Variants in MYT1L observed in about 807,000 individuals in gnomAD.
MYT1L encodes the protein myelin transcription factor 1 like.
MYT1L carries 12 observed loss-of-function variants against 126.7 expected under a neutral mutation model. The observed-to-expected ratio is 0.09, with a 90% confidence interval of 0.06 to 0.15. The LOEUF is 0.15. MYT1L is among the 10% of genes least tolerant of loss of function. The probability of loss-of-function intolerance (pLI) is 1.00; values close to 1 mark genes in which losing one functional copy is unlikely to be tolerated. For missense variants in MYT1L, 979 were observed against 1,585.2 expected (o/e 0.62, Z 6.49); for synonymous variants, 541 against 604.2 (o/e 0.90, Z 1.53).
At chr2:2,068,788 T>G (rs1334472944) in intron 3 of MYT1L, among the ~76,000 whole-genome samples, 7 of 143,146 alleles carry the variant, frequency 4.9e-5, no homozygotes, top group African/African-American at 1.3e-4. Flanking sequence ...TTTTTTTTTT[T>G]TTTTTTTTTT....
intron 3 of MYT1L, among the ~76,000 whole-genome samples, chr2:2,071,053 A>T (rs990731404): frequency 2.0e-5 from 3 of 152,142 alleles, no homozygotes; most frequent in African/African-American, 7.2e-5. Context: ...TCTAAAAAAT[A>T]AAAGGGAATG....
chr2:2,126,269 C>A (rs532237210), intron 3 of MYT1L, among the ~76,000 whole-genome samples: 1 of 152,336 alleles, frequency 6.6e-6, no homozygotes, highest in Admixed American at 6.5e-5. Flanking sequence ...GCTCAATAAA[C>A]AATGATCCTC....
intron 14 of MYT1L, among the ~76,000 whole-genome samples, chr2:1,897,608 G>GC (rs1181180062): frequency 1.3e-5 from 2 of 151,930 alleles, no homozygotes; most frequent in Non-Finnish European, 2.9e-5. Context: ...GATTACAGGC[G>GC]CCCACGACCA....
intron 8 of MYT1L, among the ~76,000 whole-genome samples, chr2:1,949,466 G>A (rs2057541958): frequency 6.6e-6 from 1 of 151,650 alleles, no homozygotes; most frequent in South Asian, 2.1e-4. Flanking sequence ...CAGTTCTTTT[G>A]TGGTTAACTC....
chr2:1,893,215 T>G (rs2049148503), intron 14 of MYT1L, among the ~76,000 whole-genome samples: 1 of 152,222 alleles, frequency 6.6e-6, no homozygotes, highest in African/African-American at 2.4e-5. Context: ...ATGACAATGT[T>G]TCAGTCCAGG....
chr2:1,837,510 T>C (rs1381407285), intron 21 of MYT1L, among the ~76,000 whole-genome samples: 2 of 152,194 alleles, frequency 1.3e-5, no homozygotes, highest in Non-Finnish European at 2.9e-5. Context: ...GCTAGCATTC[T>C]TGTTTCCAGG....
At chr2:2,119,036 A>C (rs1405917856) in intron 3 of MYT1L, among the ~76,000 whole-genome samples, 1 of 152,274 alleles carries the variant, frequency 6.6e-6, no homozygotes, top group African/African-American at 2.4e-5. Flanking sequence ...CATGTGGTTA[A>C]GACAAACATT....
chr2:1,907,262 T>C (rs1420500344), intron 13 of MYT1L, among the ~76,000 whole-genome samples: 1 of 152,020 alleles, frequency 6.6e-6, no homozygotes, highest in African/African-American at 2.4e-5. Flanking sequence ...AAAGGGATGT[T>C]TGAAGTAAGT....
intron 18 of MYT1L, among the ~76,000 whole-genome samples, chr2:1,866,091 C>A (rs992191189): frequency 6.6e-6 from 1 of 152,128 alleles, no homozygotes; most frequent in African/African-American, 2.4e-5. Flanking sequence ...AAGTTGCCTG[C>A]GATGGAGCAG....
At chr2:2,101,468 C>T in intron 3 of MYT1L, among the ~76,000 whole-genome samples, 1 of 152,120 alleles carries the variant, frequency 6.6e-6, no homozygotes, top group East Asian at 1.9e-4. Context: ...CACCCACCCA[C>T]CAATCTATCC....
chr2:1,857,372 G>A (rs1186093094), intron 18 of MYT1L, among the ~76,000 whole-genome samples: 1 of 152,154 alleles, frequency 6.6e-6, no homozygotes, highest in Non-Finnish European at 1.5e-5. Flanking sequence ...AATGATCTCT[G>A]AGGCTGCCCT....
chr2:2,234,482 A>T (rs1352445312), intron 2 of MYT1L, among the ~76,000 whole-genome samples: 1 of 152,204 alleles, frequency 6.6e-6, no homozygotes, highest in Non-Finnish European at 1.5e-5. Flanking sequence ...TGGATACATA[A>T]TATATACCTT....
chr2:2,051,029 G>A (rs370824815), intron 4 of MYT1L, among the ~76,000 whole-genome samples: 2 of 152,236 alleles, frequency 1.3e-5, no homozygotes, highest in South Asian at 2.1e-4. Flanking sequence ...GAGGAGGTAT[G>A]CAACTTCTTA....
intron 1 of MYT1L, among the ~76,000 whole-genome samples, chr2:2,302,360 C>T (rs1257878755): frequency 6.6e-6 from 1 of 152,138 alleles, no homozygotes; most frequent in Non-Finnish European, 1.5e-5. Flanking sequence ...TTTAAAAATG[C>T]ACAGAAGTGA....
intron 5 of MYT1L, among the ~76,000 whole-genome samples, chr2:1,983,812 T>G (rs1285171311): frequency 6.6e-6 from 1 of 152,222 alleles, no homozygotes; most frequent in Non-Finnish European, 1.5e-5. Flanking sequence ...AGACATCAGC[T>G]CTGATCTTCC....
chr2:2,236,053 ACAACCCAACCCATTACATCC>A (rs1003920625), intron 2 of MYT1L, among the ~76,000 whole-genome samples: 4 of 151,768 alleles, frequency 2.6e-5, no homozygotes, highest in East Asian at 1.9e-4. Context: ...CCAGTACATC[ACAACCCAACCCATTACATCC>A]CAACCCAACC....
chr2:1,886,417 A>T, intron 18 of MYT1L, 122 bp downstream of exon 18: 1 of 614,182 alleles, frequency 1.6e-6, no homozygotes, highest in South Asian at 3.3e-5. Context: ...ACATCAAGGC[A>T]CTGGGGTGCA....
At chr2:1,879,255 T>G (rs2148777675) in intron 18 of MYT1L, among the ~76,000 whole-genome samples, 1 of 152,324 alleles carries the variant, frequency 6.6e-6, no homozygotes, top group South Asian at 2.1e-4. Context: ...AGCATCTACT[T>G]TATTTCCAAT....
intron 3 of MYT1L, among the ~76,000 whole-genome samples, chr2:2,168,999 T>C (rs2089602310): frequency 6.6e-6 from 1 of 152,200 alleles, no homozygotes; most frequent in African/African-American, 2.4e-5. Flanking sequence ...ATCTTCTGTG[T>C]TTCAAGGACT....
Sources: gnomAD v4.1 joint callset for allele counts (sites outside exome capture counted in the v4.1 genomes callset) on GRCh38, gnomAD v4.1.1 for gene constraint, MANE v1.5 for transcripts, NCBI Gene and HGNC (gene_info 2026-07-23, HGNC 2026-07-21) for gene names.